The following MFAP5 variants were observed in gnomAD, a reference collection of about 807,000 sequenced individuals.
MFAP5 encodes the protein microfibril associated protein 5.
In MFAP5, 19 loss-of-function variants were observed where a neutral mutation model predicts 30.1. The ratio of observed to expected loss-of-function variants is 0.63; its 90% CI spans 0.44 to 0.93. The LOEUF is 0.93. Ranked by LOEUF, MFAP5 falls within the 40% of genes least tolerant of loss-of-function variation. The probability of loss-of-function intolerance (pLI) is 0.00; values close to 1 mark genes in which losing one functional copy is unlikely to be tolerated. For synonymous variants in MFAP5, 92 were observed against 72.9 expected (o/e 1.26, Z -1.33); for missense variants, 210 against 221.3 (o/e 0.95, Z 0.32).
At chr12:8,652,180 C>T (rs1941855839) in intron 6 of MFAP5, among the ~76,000 whole-genome samples, 1 of 152,250 alleles carries the variant, frequency 6.6e-6, no homozygotes, top group Non-Finnish European at 1.5e-5. Context: ...CACAATGGCT[C>T]ACACCTGTAA....
rs766176657 is a variant in MFAP5 at position 8,660,845 on chromosome 12, A to C, written c.94+18T>G. 3.9e-5 allele frequency: 62 copies of C among 1,607,384 alleles called. No individual in the cohort carries two copies. Among genetic ancestry groups the C allele is most frequent in the Non-Finnish European group, 5.1e-5 (60 of 1,174,826 alleles). Reference sequence around the variant, plus strand: ...TGATAAGAACCCCAACAGAGCCGCTATCCAAGGGTTCACCTACCTCCTCGT... The same window carrying C: ...TGATAAGAACCCCAACAGAGCCGCTCTCCAAGGGTTCACCTACCTCCTCGT... On this transcript the variant is annotated intron_variant, in intron 3 of 9. Transcript: ENST00000359478.
chr12:8,648,175 C>A lies in MFAP5; in HGVS notation c.438G>T (p.Leu146=). ...KDELCRQMAG[L]PPRRLRRSNY... ...TGGAGCGACGGAGTCTCCTAGGGGGCAGACCAGCCATCTGACGGCAAAGCT... is the reference window on the plus strand; with the variant it reads ...TGGAGCGACGGAGTCTCCTAGGGGGAAGACCAGCCATCTGACGGCAAAGCT... Residue 146 remains leucine, a synonymous_variant, in exon 10 of 10, where the codon CTG becomes CTT. Transcript: ENST00000359478. The A allele has an allele frequency of 6.2e-7, 1 of 1,613,652 alleles. No homozygotes were observed. Among genetic ancestry groups the A allele is most frequent in the South Asian group, 1.1e-5 (1 of 91,068 alleles).
intron 5 of MFAP5, 104 bp downstream of exon 5, chr12:8,655,311 C>G (rs1482130041): frequency 9.6e-6 from 11 of 1,140,510 alleles, no homozygotes; most frequent in Non-Finnish European, 1.4e-5. Context: ...TAACAAAAAA[C>G]AAAAGCAAAT....
intron 9 of MFAP5, among the ~76,000 whole-genome samples, chr12:8,649,237 C>T (rs901256092): frequency 6.6e-6 from 1 of 152,052 alleles, no homozygotes; most frequent in Admixed American, 6.6e-5. Context: ...TGTCAGAAAG[C>T]TCTCTAAGTA....
At chr12:8,651,737 A>C in intron 6 of MFAP5, 46 bp from the exon 7 acceptor site, 1 of 1,563,496 alleles carries the variant, frequency 6.4e-7, no homozygotes, top group South Asian at 1.1e-5. Flanking sequence ...TCTAGAAGTT[A>C]CTACTTCTGT....
rs764506527 is a variant in MFAP5 at position 8,656,851 on chromosome 12, A to G, written c.95-1021T>C. Among the ~76,000 whole-genome samples, 67 of 151,908 alleles carry G rather than the reference A, an allele frequency of 4.4e-4. 1 individual carries two copies. The South Asian group carries it at 6.9e-3, about 16-fold the overall frequency. On this transcript the variant is annotated intron_variant, in intron 3 of 9. Transcript: ENST00000359478. Reference sequence around the variant, plus strand: ...CCCAGCTAATTTCTGTATTTTTAGTAGAGATGGGGTTTCACCATATTGGCC... The same window carrying G: ...CCCAGCTAATTTCTGTATTTTTAGTGGAGATGGGGTTTCACCATATTGGCC...
rs35361217 is a variant in MFAP5, at chr12:8,656,416, AT to A, written c.95-587del. ...GGAGTGTTCATAAAAGGTAGTATTGATTTTTTTTTTTTTTTAAGAGTCTCGC... is the reference window on the plus strand; with the variant it reads ...GGAGTGTTCATAAAAGGTAGTATTGATTTTTTTTTTTTTTAAGAGTCTCGC... On this transcript the variant is annotated intron_variant, in intron 3 of 9. Transcript: ENST00000359478. Among the ~76,000 whole-genome samples, 835 of 91,776 alleles carry A rather than the reference AT, an allele frequency of 9.1e-3. 8 individuals carry two copies. The highest frequency in any genetic ancestry group is 0.069 in the South Asian group (228 of 3,290). The allele number at this position is 91,776 out of a possible 152,430, so 60.2% of individuals were successfully genotyped here.
rs1310063827 is a variant in MFAP5, at chr12:8,646,605, G to A, written c.*1486C>T. On this transcript the variant is annotated 3_prime_UTR_variant, in exon 10 of 10. Coordinates refer to ENST00000359478, the MANE Select transcript of MFAP5 (RefSeq NM_003480.4). ...AAATCCAGAGAATCATAGAATTAAA[G>A]GAAATCTTAGAACTAAGAATATATA... 1 of 151,568 alleles carries A rather than the reference G, an allele frequency of 6.6e-6. No individual in the cohort carries two copies. Among genetic ancestry groups the A allele is most frequent in the Non-Finnish European group, 1.5e-5 (1 of 67,922 alleles). 9.4% of individuals were successfully genotyped at this position (151,568 alleles called of 1,614,324 possible). A position where few individuals can be genotyped will look rare whatever the true frequency, so the allele number is the denominator to read the frequency against.
chr12:8,657,624 C>T (rs1245857321), intron 3 of MFAP5, among the ~76,000 whole-genome samples: 1 of 139,156 alleles, frequency 7.2e-6, no homozygotes, highest in Non-Finnish European at 1.5e-5. Context: ...GGCTGGAGTG[C>T]AGTGGCGGCA....
Position 8,655,817 on chromosome 12 carries a change from T to C in MFAP5, c.108A>G (p.Gln36=), listed in dbSNP as rs758140657. ...CTTCTGTGAATGTTTCTGGAGTCGC[T>C]TGAGTCACATCGTCTGAAAAGAAAA... The part of the protein sequence containing the change: ...VNSQRGDDVT[Q]ATPETFTEDP... Residue 36 remains glutamine, a synonymous_variant, in exon 4 of 10, where the codon CAA becomes CAG. Coordinates refer to ENST00000359478, the MANE Select transcript of MFAP5 (RefSeq NM_003480.4). 3 of 1,610,482 alleles carry C rather than the reference T, an allele frequency of 1.9e-6. No homozygotes were observed. The highest frequency in any genetic ancestry group is 2.5e-6 in the Non-Finnish European group (3 of 1,178,882).
At chr12:8,657,531 A>C (rs1942036596) in intron 3 of MFAP5, among the ~76,000 whole-genome samples, 1 of 149,722 alleles carries the variant, frequency 6.7e-6, no homozygotes, top group African/African-American at 2.5e-5. Flanking sequence ...CATTCTACCC[A>C]CTAGGGGTCA....
chr12:8,649,597 G>A, intron 8 of MFAP5, 23 bp from the exon 9 acceptor site: 3 of 1,607,592 alleles, frequency 1.9e-6, no homozygotes, highest in Non-Finnish European at 1.7e-6. Context: ...CAGTGTCATA[G>A]GCAAGGAAGG....
At chr12:8,653,208 GA>G (rs1941890452) in intron 6 of MFAP5, among the ~76,000 whole-genome samples, 1 of 145,282 alleles carries the variant, frequency 6.9e-6, no homozygotes, top group Non-Finnish European at 1.5e-5. Context: ...AAAAAAAAAA[GA>G]AAAAAGAAAA....
At chr12:8,653,476 C>T (rs929264823) in intron 6 of MFAP5, among the ~76,000 whole-genome samples, 1 of 152,110 alleles carries the variant, frequency 6.6e-6, no homozygotes, top group Admixed American at 6.5e-5. Context: ...CTTGCATAAA[C>T]GTCTCTCTGG....
intron 6 of MFAP5, among the ~76,000 whole-genome samples, chr12:8,652,704 T>C (rs964397700): frequency 2.0e-5 from 3 of 152,192 alleles, no homozygotes; most frequent in African/African-American, 7.2e-5. Context: ...AAACCTGTAT[T>C]TCCAACCTCA....
At chr12:8,649,651 A>G in intron 8 of MFAP5, 77 bp from the exon 9 acceptor site, 1 of 1,114,164 alleles carries the variant, frequency 9.0e-7, no homozygotes, top group Non-Finnish European at 1.4e-6. Context: ...TGGGTCTGGG[A>G]TGCCTCTTCA....
chr12:8,646,454 G>A lies in MFAP5; in HGVS notation c.*1637C>T, dbSNP rs1941683912. On this transcript the variant is annotated 3_prime_UTR_variant, in exon 10 of 10. Coordinates refer to ENST00000359478, the MANE Select transcript of MFAP5 (RefSeq NM_003480.4). ...CAGAAGGATTCATGATATATAATTT[G>A]TCATTTGTTATAATGGGATTTTCTT... The A allele has an allele frequency of 6.6e-6, 1 of 152,012 alleles. No individual in the cohort carries two copies. Among genetic ancestry groups the A allele is most frequent in the African/African-American group, 2.4e-5 (1 of 41,374 alleles). 9.4% of individuals were successfully genotyped at this position (152,012 alleles called of 1,614,324 possible). A position where few individuals can be genotyped will look rare whatever the true frequency, so the allele number is the denominator to read the frequency against.
chr12:8,655,116 A>G (rs1941946134), intron 5 of MFAP5, among the ~76,000 whole-genome samples: 1 of 151,972 alleles, frequency 6.6e-6, no homozygotes, highest in African/African-American at 2.4e-5. Context: ...CGTCTCTACT[A>G]AAAATACAAA....
At chr12:8,661,031 A>G in intron 2 of MFAP5, 133 bp from the exon 3 acceptor site, 2 of 633,358 alleles carry the variant, frequency 3.2e-6, no homozygotes, top group Non-Finnish European at 5.2e-6. Flanking sequence ...ATATAGCTCA[A>G]TATAAAATTA....
Sources: allele counts gnomAD v4.1 joint callset (sites outside exome capture counted in the v4.1 genomes callset), GRCh38; gene constraint gnomAD v4.1.1; transcripts MANE v1.5; gene names NCBI Gene and HGNC (gene_info 2026-07-23, HGNC 2026-07-21).